Variants in EPHA3 observed in about 807,000 individuals in gnomAD.
EPHA3 encodes EPH receptor A3.
Under a neutral mutation model 107.1 loss-of-function variants are expected in EPHA3, and 42 were observed. The ratio of observed to expected loss-of-function variants is 0.39; its 90% CI spans 0.31 to 0.51. The LOEUF is 0.51. EPHA3 is among the 20% of genes least tolerant of loss of function. The pLI is 0.78. For synonymous variants in EPHA3, 461 were observed against 424.8 expected, an observed-to-expected ratio of 1.09 and a Z score of -1.05; for missense variants, 1,183 against 1,211.2, an observed-to-expected ratio of 0.98 and a Z score of 0.35.
At chr3:89,132,489 A>G (rs531324003) in intron 2 of EPHA3, among the ~76,000 whole-genome samples, 8 of 152,222 alleles carry the variant, frequency 5.3e-5, no homozygotes, top group Non-Finnish European at 1.2e-4. Context: ...ATAATAGAGT[A>G]GTAAAACAGG....
intron 9 of EPHA3, among the ~76,000 whole-genome samples, chr3:89,408,391 G>T (rs1220898106): frequency 6.6e-6 from 1 of 152,090 alleles, no homozygotes; most frequent in Non-Finnish European, 1.5e-5. Context: ...GCACATGCTA[G>T]GTAGTAGAAA....
intron 15 of EPHA3, among the ~76,000 whole-genome samples, chr3:89,467,763 G>A (rs1392288002): frequency 6.6e-6 from 1 of 152,142 alleles, no homozygotes; most frequent in African/African-American, 2.4e-5. Context: ...GAAAGAAAGG[G>A]AAGAAAGTTA....
intron 1 of EPHA3, among the ~76,000 whole-genome samples, chr3:89,118,024 C>T (rs77941125): frequency 1.3e-5 from 2 of 151,622 alleles, no homozygotes; most frequent in Admixed American, 6.6e-5. Flanking sequence ...CTAGTAACTG[C>T]CAAATATTGG....
intron 3 of EPHA3, among the ~76,000 whole-genome samples, chr3:89,332,241 T>A (rs1187535353): frequency 6.6e-6 from 1 of 152,164 alleles, no homozygotes. Flanking sequence ...AACACCACCA[T>A]CCTCAGGACC....
rs1316213850 is a variant in EPHA3 at position 89,325,800 on chromosome 3, A to C, written c.815-15116A>C. On this transcript the variant is annotated intron_variant, in intron 3 of 16. Transcript: ENST00000336596. ...ATTCAACTGGAAATTCACTTACTCCATTTCTTTTCTATGCCAACTTAAATT... is the reference window on the plus strand; with the variant it reads ...ATTCAACTGGAAATTCACTTACTCCCTTTCTTTTCTATGCCAACTTAAATT... Among the ~76,000 whole-genome samples, 3 of 152,098 alleles carry C rather than the reference A, an allele frequency of 2.0e-5. No homozygotes were observed. In the East Asian group the frequency reaches 5.8e-4, roughly 29 times the overall value.
intron 2 of EPHA3, among the ~76,000 whole-genome samples, chr3:89,142,855 T>G (rs753694691): frequency 6.6e-5 from 10 of 151,444 alleles, no homozygotes; most frequent in Non-Finnish European, 1.2e-4. Context: ...ATCCCCTTTA[T>G]GCCTTTTCAA....
chr3:89,341,682 T>C, intron 4 of EPHA3, 73 bp from the exon 5 acceptor site: 1 of 1,221,888 alleles, frequency 8.2e-7, no homozygotes. Flanking sequence ...TCAGTTCCAT[T>C]GTAAATTATC....
chr3:89,481,110 G>T lies in EPHA3; in HGVS notation c.*1608G>T, dbSNP rs1353286608. On this transcript the variant is annotated 3_prime_UTR_variant, in exon 17 of 17. Transcript: ENST00000336596. ...TGATATGATCTTGAGTATAAGAAAT[G>T]CATATGTCACTAGAATGGATAAAAT... 1.3e-5 allele frequency: 3 copies of T among 231,832 alleles called. No homozygotes were observed. Among genetic ancestry groups the T allele is most frequent in the Non-Finnish European group, 2.6e-5 (3 of 117,278 alleles). 14.4% of individuals were successfully genotyped at this position (231,832 alleles called of 1,614,324 possible).
At chr3:89,191,660 T>C (rs575599307) in intron 2 of EPHA3, among the ~76,000 whole-genome samples, 12 of 151,720 alleles carry the variant, frequency 7.9e-5, no homozygotes, top group African/African-American at 2.4e-4. Flanking sequence ...AAAATAAAGC[T>C]TATGTTTATA....
At chr3:89,235,494 T>C (rs1487143453) in intron 3 of EPHA3, among the ~76,000 whole-genome samples, 1 of 152,108 alleles carries the variant, frequency 6.6e-6, no homozygotes, top group African/African-American at 2.4e-5. Flanking sequence ...CATTCCTGAC[T>C]TTAATATTAT....
chr3:89,138,111 T>G (rs1704354365), intron 2 of EPHA3, among the ~76,000 whole-genome samples: 1 of 151,918 alleles, frequency 6.6e-6, no homozygotes, highest in Non-Finnish European at 1.5e-5. Flanking sequence ...AGGGCTGTAG[T>G]TCATCTCAAC....
intron 2 of EPHA3, among the ~76,000 whole-genome samples, chr3:89,201,107 G>A (rs1330868855): frequency 6.6e-6 from 1 of 152,172 alleles, no homozygotes; most frequent in Non-Finnish European, 1.5e-5. Context: ...GGCTGAGGAG[G>A]CCTCAGGAAA....
chr3:89,186,262 C>T (rs987660944), intron 2 of EPHA3, among the ~76,000 whole-genome samples: 2 of 152,028 alleles, frequency 1.3e-5, no homozygotes, highest in African/African-American at 4.8e-5. Flanking sequence ...GTAACTTCCT[C>T]TACACCTAAC....
chr3:89,347,440 C>T lies in EPHA3; in HGVS notation c.1306+5350C>T, dbSNP rs1170938866. ...TGTCTGTTGTTGGTGTATAAGAATGCTTGTGATTTTTGCACATTGATTTTG... is the reference window on the plus strand; with the variant it reads ...TGTCTGTTGTTGGTGTATAAGAATGTTTGTGATTTTTGCACATTGATTTTG... On this transcript the variant is annotated intron_variant, in intron 5 of 16. Transcript: ENST00000336596. Among the ~76,000 whole-genome samples the T allele has an allele frequency of 6.8e-4, 102 of 149,916 alleles. 3 individuals are homozygous for T. In the East Asian group the frequency reaches 0.018, roughly 26 times the overall value.
At chr3:89,377,649 AT>A (rs1271232036) in intron 5 of EPHA3, among the ~76,000 whole-genome samples, 3 of 151,898 alleles carry the variant, frequency 2.0e-5, no homozygotes, top group East Asian at 1.9e-4. Context: ...TTTTTCCCTC[AT>A]TTTTTTTCCT....
chr3:89,234,597 G>A (rs1252711166), intron 3 of EPHA3, among the ~76,000 whole-genome samples: 1 of 152,140 alleles, frequency 6.6e-6, no homozygotes, highest in African/African-American at 2.4e-5. Context: ...AATTTCAGTA[G>A]TGTACTTGAG....
chr3:89,155,041 G>C (rs1442674072), intron 2 of EPHA3, among the ~76,000 whole-genome samples: 1 of 151,382 alleles, frequency 6.6e-6, no homozygotes, highest in African/African-American at 2.4e-5. Flanking sequence ...TATTCAAACT[G>C]ACAGCTATTA....
intron 2 of EPHA3, among the ~76,000 whole-genome samples, chr3:89,133,194 A>G (rs1345997712): frequency 1.3e-5 from 2 of 152,164 alleles, no homozygotes; most frequent in African/African-American, 4.8e-5. Context: ...GGAGAAGGAA[A>G]GTTGACAGTG....
intron 3 of EPHA3, among the ~76,000 whole-genome samples, chr3:89,292,469 G>A (rs1447059746): frequency 6.6e-6 from 1 of 152,050 alleles, no homozygotes; most frequent in Non-Finnish European, 1.5e-5. Context: ...AGTTCCCTGT[G>A]GAACCCATCC....
Sources: gnomAD v4.1 joint callset for allele counts (sites outside exome capture counted in the v4.1 genomes callset) on GRCh38, gnomAD v4.1.1 for gene constraint, MANE v1.5 for transcripts, NCBI Gene and HGNC (gene_info 2026-07-23, HGNC 2026-07-21) for gene names.